EIF3E: variants seen among roughly 807,000 people sequenced by gnomAD.
EIF3E encodes eukaryotic translation initiation factor 3 subunit E, also known as eIF-3 p48.
In EIF3E, 25 loss-of-function variants were observed where a neutral mutation model predicts 59.3. That is an observed-to-expected ratio of 0.42 (90% CI 0.31 to 0.59). The LOEUF (loss-of-function observed/expected upper bound fraction) is 0.59. Ranked by LOEUF, EIF3E falls within the 20% of genes least tolerant of loss-of-function variation. The pLI is 0.15. For missense variants in EIF3E, 317 were observed against 534.3 expected, an observed-to-expected ratio of 0.59 and a Z score of 4.01; for synonymous variants, 176 against 170.2, an observed-to-expected ratio of 1.03 and a Z score of -0.26.
At chr8:108,230,527 T>C (rs1815603810) in intron 5 of EIF3E, among the ~76,000 whole-genome samples, 1 of 152,044 alleles carries the variant, frequency 6.6e-6, no homozygotes, top group African/African-American at 2.4e-5. Context: ...AGATATATGA[T>C]CTAAACATTG....
chr8:108,218,362 G>T (rs545817519), intron 7 of EIF3E, among the ~76,000 whole-genome samples: 1 of 152,126 alleles, frequency 6.6e-6, no homozygotes, highest in Non-Finnish European at 1.5e-5. Flanking sequence ...ATCCTTCAAG[G>T]TCCAGCTTCA....
chr8:108,248,598 C>T lies in EIF3E; in HGVS notation c.90+15G>A. On this transcript the variant is annotated intron_variant, in intron 1 of 12. Coordinates refer to ENST00000220849, the MANE Select transcript of EIF3E (RefSeq NM_001568.3). ...TCCGCCCCCACGCCTTCCTTGCGCC[C>T]AAAGACCCCCTCACCTCCTTTACAG... 2 of 1,613,670 alleles carry T rather than the reference C, an allele frequency of 1.2e-6. No homozygotes were observed. The highest frequency in any genetic ancestry group is 1.3e-5 in the African/African-American group (1 of 75,024).
At chr8:108,218,074 T>C (rs1815336787) in intron 7 of EIF3E, among the ~76,000 whole-genome samples, 1 of 152,228 alleles carries the variant, frequency 6.6e-6, no homozygotes, top group Non-Finnish European at 1.5e-5. Flanking sequence ...ATTAGGTGTT[T>C]ACCCTTATTT....
chr8:108,242,246 C>T (rs13279663), intron 1 of EIF3E: 39,134 of 1,295,532 alleles, frequency 0.03, 1,115 homozygotes, highest in African/African-American at 0.12. Context: ...ATAAAACCCA[C>T]GCCATCTTTC....
Position 108,214,664 on chromosome 8 carries a change from T to A in EIF3E, c.1004A>T (p.Asn335Ile), listed in dbSNP as rs1301217434. ...AGTCTCAAATATGAAGAGACGGGCA[T>A]TTTCAATGAAATCCTCAAGACAAGC... ...LVACLEDFIENARLFIFETFC... is the reference protein window; with the variant it reads ...LVACLEDFIEIARLFIFETFC... Residue 335 changes from asparagine to isoleucine, a missense_variant, in exon 10 of 13, where the codon AAT becomes ATT. Asn to Ile is a moderately radical substitution (Grantham distance 149). Transcript: ENST00000220849. 3 of 1,612,268 alleles carry A rather than the reference T, an allele frequency of 1.9e-6. No individual in the cohort carries two copies.
At chr8:108,217,250 G>C in intron 8 of EIF3E, 84 bp downstream of exon 8, 4 of 1,106,208 alleles carry the variant, frequency 3.6e-6, no homozygotes, top group South Asian at 3.7e-5. Context: ...TGTACCTTAA[G>C]AACTAAGTCT....
chr8:108,241,266 T>C (rs1428001661), intron 2 of EIF3E, among the ~76,000 whole-genome samples: 1 of 152,040 alleles, frequency 6.6e-6, no homozygotes, highest in Non-Finnish European at 1.5e-5. Flanking sequence ...ATTGAAGAAA[T>C]GACACAGAAT....
intron 5 of EIF3E, among the ~76,000 whole-genome samples, chr8:108,230,959 C>A (rs1422560542): frequency 6.6e-6 from 1 of 152,052 alleles, no homozygotes; most frequent in Non-Finnish European, 1.5e-5. Flanking sequence ...AATTCTAGAA[C>A]AGGCAAAACT....
intron 1 of EIF3E, chr8:108,242,479 T>C: frequency 2.4e-6 from 3 of 1,255,460 alleles, no homozygotes; most frequent in Non-Finnish European, 3.1e-6. Context: ...ACATGAAGTG[T>C]ACTGAGTAAT....
At chr8:108,227,519 A>G (rs1815538208) in intron 7 of EIF3E, 1 of 152,210 alleles carries the variant, frequency 6.6e-6, no homozygotes, top group Admixed American at 6.5e-5. Flanking sequence ...AATTTCAATT[A>G]TGAACATCTA....
chr8:108,232,399 T>C (rs1815640674), intron 5 of EIF3E, among the ~76,000 whole-genome samples: 1 of 152,208 alleles, frequency 6.6e-6, no homozygotes, highest in Non-Finnish European at 1.5e-5. Context: ...TATCACAGTA[T>C]TCAATCACTT....
chr8:108,216,055 A>G (rs1412421330), intron 9 of EIF3E, among the ~76,000 whole-genome samples: 6 of 152,244 alleles, frequency 3.9e-5, no homozygotes, highest in African/African-American at 1.4e-4. Context: ...CCTTGCCTGT[A>G]CATATGAAAT....
At chr8:108,209,730 A>G (rs116446098) in intron 10 of EIF3E, among the ~76,000 whole-genome samples, 7 of 152,342 alleles carry the variant, frequency 4.6e-5, no homozygotes, top group Admixed American at 2.0e-4. Context: ...GAAGCTGAAC[A>G]CTAACTTTTA....
chr8:108,219,021 G>A (rs1412799062), intron 7 of EIF3E, among the ~76,000 whole-genome samples: 2 of 152,104 alleles, frequency 1.3e-5, no homozygotes, highest in Admixed American at 1.3e-4. Flanking sequence ...GCTGAGTCAA[G>A]TGACCTGCCT....
rs1180256994 is a variant in EIF3E at position 108,204,746 on chromosome 8, TAGAG to T, written c.1062-1247_1062-1244del. Among the ~76,000 whole-genome samples, 500 of 113,652 alleles carry T rather than the reference TAGAG, an allele frequency of 4.4e-3. 2 individuals are homozygous for T. The highest frequency in any genetic ancestry group is 0.017 in the East Asian group (59 of 3,474). The allele number at this position is 113,652 out of a possible 152,430, so 74.6% of individuals were successfully genotyped here. Reference sequence around the variant, plus strand: ...TAGTATGTATGTATATATATATATATAGAGAGAGAGAGAGAGAGAGAGAGAGAGA... The same window carrying T: ...TAGTATGTATGTATATATATATATATAGAGAGAGAGAGAGAGAGAGAGAGA... On this transcript the variant is annotated intron_variant, in intron 10 of 12. Transcript: ENST00000220849.
chr8:108,241,786 T>C lies in EIF3E; in HGVS notation c.205+13A>G. 6.7e-7 allele frequency: 1 copy of C among 1,497,944 alleles called. No homozygotes were observed. The highest frequency in any genetic ancestry group is 9.0e-7 in the Non-Finnish European group (1 of 1,108,564). 92.8% of individuals were successfully genotyped at this position (1,497,944 alleles called of 1,614,324 possible). The stretch of plus-strand genomic sequence containing the variant: ...GTCACAAGACAAGTTTCAGTTCTAA[T>C]GACAAAACTTACCATGAGGAATATC... On this transcript the variant is annotated intron_variant, in intron 2 of 12. Coordinates refer to ENST00000220849, the MANE Select transcript of EIF3E (RefSeq NM_001568.3).
intron 9 of EIF3E, 129 bp from the exon 10 acceptor site, chr8:108,214,845 A>G (rs1815272602): frequency 1.5e-5 from 11 of 736,566 alleles, no homozygotes; most frequent in Non-Finnish European, 2.2e-5. Context: ...ACTTTCTAGA[A>G]CACTGTGTTC....
chr8:108,244,139 CAG>C (rs1343772926), intron 1 of EIF3E, among the ~76,000 whole-genome samples: 7 of 152,176 alleles, frequency 4.6e-5, no homozygotes, highest in African/African-American at 9.6e-5. Flanking sequence ...AATTTTGAAA[CAG>C]AAATAATAAC....
intron 10 of EIF3E, among the ~76,000 whole-genome samples, chr8:108,205,690 G>A (rs903240975): frequency 7.2e-5 from 11 of 152,118 alleles, no homozygotes; most frequent in African/African-American, 2.2e-4. Context: ...CCAGCATATC[G>A]ACACTGTATA....
Sources: allele counts gnomAD v4.1 joint callset (sites outside exome capture counted in the v4.1 genomes callset), GRCh38; gene constraint gnomAD v4.1.1; transcripts MANE v1.5; gene names NCBI Gene and HGNC (gene_info 2026-07-23, HGNC 2026-07-21).